ADAM7: variants seen among roughly 807,000 people sequenced by gnomAD.
ADAM7 encodes the protein ADAM metallopeptidase domain 7.
In ADAM7, 97 loss-of-function variants were observed where a neutral mutation model predicts 102.9. The observed-to-expected ratio is 0.94, with a 90% CI of 0.80 to 1.12. ADAM7 has a LOEUF of 1.12. ADAM7 is among the 50% of genes most tolerant of loss of function. The pLI, the probability that ADAM7 is intolerant of heterozygous loss-of-function variation, is 0.00. For synonymous variants in ADAM7, 334 were observed against 304.4 expected (o/e 1.10, Z -1.01); for missense variants, 991 against 908.7 (o/e 1.09, Z -1.16).
At chr8:24,494,947 G>C (rs1166780034) in intron 16 of ADAM7, among the ~76,000 whole-genome samples, 1 of 152,196 alleles carries the variant, frequency 6.6e-6, no homozygotes, top group Non-Finnish European at 1.5e-5. Flanking sequence ...GGGAAGCCTA[G>C]ACTTCCATTT....
rs10093262 is a variant in ADAM7, at chr8:24,454,713, A to G, written c.233+7451A>G. Among the ~76,000 whole-genome samples the G allele has an allele frequency of 3.3e-3, 507 of 152,282 alleles. 3 individuals are homozygous for G. The highest frequency in any genetic ancestry group is 0.012 in the African/African-American group (483 of 41,572). ...CCTAGTGAGATGAACCCGGTACCTC[A>G]GATGGAAATGCAGAAATCACCCGTC... On this transcript the variant is annotated intron_variant, in intron 3 of 21. Transcript: ENST00000175238.
chr8:24,449,948 C>T lies in ADAM7; in HGVS notation c.233+2686C>T, dbSNP rs564341594. On this transcript the variant is annotated intron_variant, in intron 3 of 21. Transcript: ENST00000175238. Reference sequence around the variant, plus strand: ...TTGTTTTTCTCAGGTTTGTCAAAGACCAGATAGTTGTAGATATGTGGCCTT... The same window carrying T: ...TTGTTTTTCTCAGGTTTGTCAAAGATCAGATAGTTGTAGATATGTGGCCTT... Among the ~76,000 whole-genome samples the T allele has an allele frequency of 3.3e-5, 5 of 152,146 alleles. No homozygotes were observed. The South Asian group carries it at 8.3e-4, about 25-fold the overall frequency.
chr8:24,442,729 A>G (rs1321546763), intron 2 of ADAM7, among the ~76,000 whole-genome samples, 153 bp downstream of exon 2: 1 of 152,100 alleles, frequency 6.6e-6, no homozygotes, highest in Non-Finnish European at 1.5e-5. Flanking sequence ...GGAATAAGCA[A>G]CCCCTCAATG....
rs1460602099 is a variant in ADAM7, at chr8:24,447,247, A to T, written c.218A>T (p.His73Leu). The change falls in exon 3 of 22, where the codon CAT becomes CTT. Residue 73 changes from histidine (H) to leucine (L), a missense_variant. Physicochemically the swap from His to Leu is moderately conservative, Grantham distance 99. Coordinates refer to ENST00000175238, the MANE Select transcript of ADAM7 (RefSeq NM_003817.4). ...IKLNRKTLVL[H>L]LLRSREFLGS... ...CTAAATAGAAAAACCTTAGTCCTTC[A>T]TCTTCTAAGATCCAGGTAAGTTCTA... 3 of 1,516,160 alleles carry T rather than the reference A, an allele frequency of 2.0e-6. No homozygotes were observed. The highest frequency in any genetic ancestry group is 9.0e-7 in the Non-Finnish European group (1 of 1,109,082). The allele number at this position is 1,516,160 out of a possible 1,614,324, so 93.9% of individuals were successfully genotyped here. A position where few individuals can be genotyped will look rare whatever the true frequency, so the allele number is the denominator to read the frequency against.
intron 3 of ADAM7, 70 bp from the exon 4 acceptor site, chr8:24,463,812 A>G (rs1819332365): frequency 4.6e-6 from 6 of 1,307,524 alleles, no homozygotes; most frequent in Admixed American, 1.8e-5. Flanking sequence ...CTTCTCCATC[A>G]CATTATAGGT....
At chr8:24,464,539 C>CAT (rs2129381356) in intron 4 of ADAM7, among the ~76,000 whole-genome samples, 1 of 152,298 alleles carries the variant, frequency 6.6e-6, no homozygotes, top group East Asian at 1.9e-4. Context: ...CTACCAAGAA[C>CAT]ATTACTTTTA....
intron 2 of ADAM7, 100 bp downstream of exon 2, chr8:24,442,676 CA>C: frequency 1.0e-6 from 1 of 954,490 alleles, no homozygotes; most frequent in Non-Finnish European, 1.7e-6. Flanking sequence ...AGAGGAGTTT[CA>C]ATTTTTCTAA....
Position 24,489,115 on chromosome 8 carries a change from C to T in ADAM7, c.1092-44C>T, listed in dbSNP as rs200779941. ...TGCTCACAGCCACTGTACCACTATG[C>T]ATTGATATGATTAATCTTTATTTTT... On this transcript the variant is annotated intron_variant, in intron 11 of 21. Transcript: ENST00000175238. 2.9e-5 allele frequency: 45 copies of T among 1,541,062 alleles called. No individual in the cohort carries two copies. In the African/African-American group the frequency reaches 5.7e-4, roughly 20 times the overall value.
At chr8:24,484,967 A>G (rs1335488395) in intron 9 of ADAM7, among the ~76,000 whole-genome samples, 1 of 151,788 alleles carries the variant, frequency 6.6e-6, no homozygotes, top group African/African-American at 2.4e-5. Flanking sequence ...CACCATGCCC[A>G]GCTAATTTTT....
intron 8 of ADAM7, among the ~76,000 whole-genome samples, chr8:24,478,505 G>A (rs1046830667): frequency 6.6e-6 from 1 of 152,032 alleles, no homozygotes; most frequent in Non-Finnish European, 1.5e-5. Flanking sequence ...TCTTTGTTCT[G>A]TTTCATAACC....
intron 9 of ADAM7, among the ~76,000 whole-genome samples, 158 bp from the exon 10 acceptor site, chr8:24,485,119 A>G (rs1014401410): frequency 1.6e-4 from 25 of 152,302 alleles, no homozygotes; most frequent in Non-Finnish European, 3.4e-4. Context: ...GATGAGCTCA[A>G]TATCAACTAA....
rs148539948 is a variant in ADAM7 at position 24,476,436 on chromosome 8, C to T, written c.637C>T (p.Arg213Cys). 2.0e-4 allele frequency: 324 copies of T among 1,597,548 alleles called. No individual in the cohort carries two copies. The highest frequency in any genetic ancestry group is 2.4e-4 in the Non-Finnish European group (276 of 1,168,620). Residue 213 changes from arginine to cysteine, a missense_variant, in exon 8 of 22, where the codon CGC (arginine) becomes TGC (cysteine). Transcript: ENST00000175238. ...AATATGATATTTATATTTCCAGTAT[C>T]GCAGAAATGGTCATCCTCACAATAA... ...LFIVADDTVY[R>C]RNGHPHNKLR...
In ADAM7 at chr8:24,507,484, C is replaced by T. The variant is rs80271195; in HGVS notation, c.2213C>T (p.Pro738Leu). The change falls in exon 21 of 22, where the codon CCT becomes CTT. Residue 738 changes from proline to leucine, a missense_variant. By Grantham distance (98) the Pro-to-Leu change is moderately conservative. Coordinates refer to ENST00000175238, the MANE Select transcript of ADAM7 (RefSeq NM_003817.4). ...AACATAATTTATTTATTATAGAAAC[C>T]TGCAAGTAAAGATTCAAGAGGAATC... ...ILPEIHFLNKPASKDSRGIAD... is the reference protein window; with the variant it reads ...ILPEIHFLNKLASKDSRGIAD... 224 of 1,611,864 alleles carry T rather than the reference C, an allele frequency of 1.4e-4. 1 individual carries two copies. The African/African-American group carries it at 2.3e-3, about 17-fold the overall frequency.
intron 21 of ADAM7, 79 bp from the exon 22 acceptor site, chr8:24,508,467 A>G: frequency 7.1e-7 from 1 of 1,410,070 alleles, no homozygotes; most frequent in Non-Finnish European, 1.0e-6. Context: ...TAATTAGTAG[A>G]TATAAATGAG....
rs1258902197 is a variant in ADAM7 at position 24,493,245 on chromosome 8, T to G, written c.1842+16T>G. Reference sequence around the variant, plus strand: ...AGAGGGAATGGTAAGACAAAAGCCCTTTGTTTTATTAAAACTTCTTAGTTC... The same window carrying G: ...AGAGGGAATGGTAAGACAAAAGCCCGTTGTTTTATTAAAACTTCTTAGTTC... On this transcript the variant is annotated intron_variant, in intron 16 of 21. Coordinates refer to ENST00000175238, the MANE Select transcript of ADAM7 (RefSeq NM_003817.4). 6.4e-6 allele frequency: 10 copies of G among 1,563,816 alleles called. No homozygotes were observed. The highest frequency in any genetic ancestry group is 8.6e-6 in the Non-Finnish European group (10 of 1,161,012).
chr8:24,506,683 C>T (rs1484287333), intron 20 of ADAM7, among the ~76,000 whole-genome samples: 1 of 151,126 alleles, frequency 6.6e-6, no homozygotes, highest in African/African-American at 2.4e-5. Flanking sequence ...ATCCCTGCAT[C>T]TTTATTTATA....
In ADAM7 at chr8:24,482,171, G is replaced by A. The variant is rs147649440; in HGVS notation, c.735G>A (p.Thr245=). The change falls in exon 9 of 22, where the codon ACG becomes ACA. Residue 245 remains threonine, a synonymous_variant. Transcript: ENST00000175238. The stretch of plus-strand genomic sequence containing the variant: ...ATAAAACCTTAAACATCCATGTGAC[G>A]TTGGTTGGCATTGAAATATGGACAC... ...MIYKTLNIHV[T]LVGIEIWTHE... 1.3e-4 allele frequency: 215 copies of A among 1,593,432 alleles called. 3 individuals are homozygous for A. The African/African-American group carries it at 2.1e-3, about 16-fold the overall frequency.
At chr8:24,446,744 C>T (rs1277992216) in intron 2 of ADAM7, among the ~76,000 whole-genome samples, 4 of 151,578 alleles carry the variant, frequency 2.6e-5, no homozygotes, top group African/African-American at 9.7e-5. Context: ...GTGTATAGAG[C>T]TGCTACATGG....
intron 20 of ADAM7, 83 bp from the exon 21 acceptor site, chr8:24,507,397 G>A (rs1820988267): frequency 8.2e-6 from 9 of 1,093,346 alleles, no homozygotes; most frequent in South Asian, 1.3e-5. Context: ...ATGTGTATGT[G>A]TGCACATGCA....
Sources: gnomAD v4.1 joint callset for allele counts (sites outside exome capture counted in the v4.1 genomes callset) on GRCh38, gnomAD v4.1.1 for gene constraint, MANE v1.5 for transcripts, NCBI Gene and HGNC (gene_info 2026-07-23, HGNC 2026-07-21) for gene names.